Variants in C12orf42 observed in about 807,000 individuals in gnomAD.
C12orf42 encodes the protein uncharacterized protein C12orf42.
Under a neutral mutation model 21.6 loss-of-function variants are expected in C12orf42, and 25 were observed. The ratio of observed to expected loss-of-function variants is 1.16; its 90% CI spans 0.84 to 1.62. The LOEUF (loss-of-function observed/expected upper bound fraction) is 1.62. Among genes scored for constraint, C12orf42 ranks in the 40% most tolerant of loss-of-function variants. The probability of loss-of-function intolerance (pLI) is 0.00; values close to 1 mark genes in which losing one functional copy is unlikely to be tolerated. For synonymous variants in C12orf42, 174 were observed against 175.0 expected (o/e 0.99, Z 0.05); for missense variants, 483 against 459.3 (o/e 1.05, Z -0.47).
chr12:103,262,025 T>A (rs753742092), intron 10 of C12orf42, among the ~76,000 whole-genome samples: 4 of 152,220 alleles, frequency 2.6e-5, no homozygotes, highest in African/African-American at 4.8e-5. Flanking sequence ...GAGTTATTTT[T>A]AAAAATTTTA....
At position 103,326,310 on chromosome 12, in the gene C12orf42, C is replaced by T. The variant is rs79698363; in HGVS notation, c.260-19965G>A. On this transcript the variant is annotated intron_variant, in intron 4 of 5. Coordinates refer to ENST00000548883, the MANE Select transcript of C12orf42 (RefSeq NM_198521.5). ...TTGTCAAAGATAAAAGCCAGGACTT[C>T]TGCAATAACCTCACAACCAAGGTCC... is the stretch of plus-strand genomic sequence containing the variant. Among the ~76,000 whole-genome samples, 856 of 152,276 alleles carry T rather than the reference C, an allele frequency of 5.6e-3. 8 individuals carry two copies. Among genetic ancestry groups the T allele is most frequent in the African/African-American group, 0.019 (792 of 41,550 alleles).
At chr12:103,336,281 T>C (rs529738282) in intron 4 of C12orf42, among the ~76,000 whole-genome samples, 14 of 152,342 alleles carry the variant, frequency 9.2e-5, no homozygotes, top group African/African-American at 3.4e-4. Flanking sequence ...TGTGCCAGAA[T>C]CTTAATTTCA....
At chr12:103,300,741 A>C (rs2037593055), downstream of C12orf42, among the ~76,000 whole-genome samples, 1 of 152,236 alleles carries the variant, frequency 6.6e-6, no homozygotes, top group Admixed American at 6.5e-5. Flanking sequence ...GAGTTTGCCT[A>C]ACACATTTAT....
At chr12:103,216,070 C>T in the C12orf42 span, among the ~76,000 whole-genome samples, 3 of 152,188 alleles carry the variant, frequency 2.0e-5, no homozygotes, top group Non-Finnish European at 2.9e-5. Context: ...TCAAAGTCAC[C>T]GATCACAGAT....
At chr12:103,070,888 G>C in the C12orf42 span, among the ~76,000 whole-genome samples, 3 of 152,166 alleles carry the variant, frequency 2.0e-5, no homozygotes, top group East Asian at 5.8e-4. Context: ...CTTCAAGAAA[G>C]AGAATTGTTA....
At chr12:103,388,759 C>A (rs1457831664) in intron 3 of C12orf42, among the ~76,000 whole-genome samples, 1 of 152,220 alleles carries the variant, frequency 6.6e-6, no homozygotes, top group Non-Finnish European at 1.5e-5. Context: ...CCCAGAGAAC[C>A]TCCTAGACTT....
At chr12:103,147,060 C>A in the C12orf42 span, among the ~76,000 whole-genome samples, 2 of 152,120 alleles carry the variant, frequency 1.3e-5, no homozygotes, top group Admixed American at 1.3e-4. Context: ...GCTCATGGAG[C>A]ATACTTAAGA....
chr12:103,366,533 C>T (rs765874691), intron 4 of C12orf42, among the ~76,000 whole-genome samples: 7 of 152,064 alleles, frequency 4.6e-5, no homozygotes, highest in Non-Finnish European at 8.8e-5. Flanking sequence ...AGACAACCCA[C>T]AGAATGGGAG....
At chr12:103,276,125 G>A (rs2035758611) in intron 5 of C12orf42, among the ~76,000 whole-genome samples, 2 of 152,038 alleles carry the variant, frequency 1.3e-5, no homozygotes, top group Admixed American at 6.6e-5. Context: ...AAGAAAAATT[G>A]CATAGTCACC....
the C12orf42 span, among the ~76,000 whole-genome samples, chr12:103,554,272 G>T: frequency 6.6e-6 from 1 of 152,116 alleles, no homozygotes; most frequent in Non-Finnish European, 1.5e-5. Flanking sequence ...ATAAATATAA[G>T]AGTAGCCTGG....
At chr12:103,065,596 A>C in the C12orf42 span, among the ~76,000 whole-genome samples, 1 of 152,254 alleles carries the variant, frequency 6.6e-6, no homozygotes, top group Non-Finnish European at 1.5e-5. Context: ...GTGAGCAAGA[A>C]GTATCAAACA....
chr12:103,478,537 T>A, intron 1 of C12orf42, 90 bp from the exon 2 acceptor site: 3 of 539,050 alleles, frequency 5.6e-6, no homozygotes, highest in Non-Finnish European at 9.4e-6. Context: ...AGAGCCAGAA[T>A]CATCCTATCC....
At chr12:103,260,208 A>G (rs2034825398) in intron 10 of C12orf42, among the ~76,000 whole-genome samples, 1 of 151,878 alleles carries the variant, frequency 6.6e-6, no homozygotes, top group Non-Finnish European at 1.5e-5. Context: ...AAAAAGAAAT[A>G]GACAGGGGAC....
At chr12:103,262,385 T>A (rs192842107) in intron 10 of C12orf42, 1 of 152,340 alleles carries the variant, frequency 6.6e-6, no homozygotes, top group East Asian at 1.9e-4. Context: ...CTTAGTATAA[T>A]GTTAAGTTTT....
the C12orf42 span, among the ~76,000 whole-genome samples, chr12:103,507,076 A>G: frequency 8.4e-5 from 1 of 11,890 alleles, no homozygotes; most frequent in Non-Finnish European, 1.1e-4. Context: ...ATAAATATAT[A>G]TTTATATATA....
At chr12:103,540,117 C>T in the C12orf42 span, among the ~76,000 whole-genome samples, 1 of 151,966 alleles carries the variant, frequency 6.6e-6, no homozygotes, top group Non-Finnish European at 1.5e-5. Context: ...AAGCGATTCT[C>T]CTGCCTCAGC....
At chr12:103,299,046 C>G (rs879337361), downstream of C12orf42, among the ~76,000 whole-genome samples, 7 of 152,028 alleles carry the variant, frequency 4.6e-5, no homozygotes, top group African/African-American at 1.5e-4. Flanking sequence ...CACTTATGTA[C>G]CAACCGCAGG....
the C12orf42 span, among the ~76,000 whole-genome samples, chr12:103,058,940 C>T: frequency 6.6e-6 from 1 of 151,614 alleles, no homozygotes; most frequent in Non-Finnish European, 1.5e-5. Flanking sequence ...CAAGAGCAAA[C>T]TCAAAAGCTA....
chr12:103,102,505 G>A, the C12orf42 span, among the ~76,000 whole-genome samples: 1 of 152,106 alleles, frequency 6.6e-6, no homozygotes, highest in African/African-American at 2.4e-5. Flanking sequence ...TGCAGTCATG[G>A]GTTCTTAGTT....
Sources: gnomAD v4.1 joint callset for allele counts (sites outside exome capture counted in the v4.1 genomes callset) on GRCh38, gnomAD v4.1.1 for gene constraint, MANE v1.5 for transcripts, NCBI Gene and HGNC (gene_info 2026-07-23, HGNC 2026-07-21) for gene names.